Variants in CYTH3 observed in about 807,000 individuals in gnomAD.
The protein encoded by CYTH3 is cytohesin 3.
In CYTH3, 23 loss-of-function variants were observed where a neutral mutation model predicts 55.1. That is an observed-to-expected ratio of 0.42 (90% CI 0.30 to 0.59). The LOEUF is 0.59. CYTH3 is among the 20% of genes least tolerant of loss of function. CYTH3 has a pLI of 0.20. For missense variants in CYTH3, 413 were observed against 524.8 expected (o/e 0.79, Z 2.08); for synonymous variants, 249 against 194.9 (o/e 1.28, Z -2.31).
At chr7:6,252,228 C>A (rs975631244) in intron 1 of CYTH3, among the ~76,000 whole-genome samples, 1 of 152,298 alleles carries the variant, frequency 6.6e-6, no homozygotes, top group East Asian at 1.9e-4. Context: ...TTCACAGATC[C>A]TTGCTATCTC....
intron 1 of CYTH3, among the ~76,000 whole-genome samples, chr7:6,246,560 CTTTAA>C (rs1779823320): frequency 6.6e-6 from 1 of 152,026 alleles, no homozygotes; most frequent in African/African-American, 2.4e-5. Flanking sequence ...TAGTGATTAT[CTTTAA>C]TTTTTTTTTA....
chr7:6,170,710 A>T lies in CYTH3; in HGVS notation c.712-64T>A. 1.3e-6 allele frequency: 2 copies of T among 1,580,752 alleles called. No homozygotes were observed. Reference sequence around the variant, plus strand: ...GAGGAAAATGGCTGGCCGGGCAGAAAGCTCAGCGGGACCAGGGCGGCAAGG... The same window carrying T: ...GAGGAAAATGGCTGGCCGGGCAGAATGCTCAGCGGGACCAGGGCGGCAAGG... On this transcript the variant is annotated intron_variant, in intron 8 of 12. Coordinates refer to ENST00000350796, the MANE Select transcript of CYTH3 (RefSeq NM_004227.4). The surrounding 1 kb of genome is among the most constrained non-coding windows in gnomAD (Gnocchi z 7.8).
At chr7:6,193,314 T>C (rs1376698521) in intron 1 of CYTH3, among the ~76,000 whole-genome samples, 4 of 151,310 alleles carry the variant, frequency 2.6e-5, no homozygotes, top group East Asian at 1.9e-4. Context: ...CTCCATTAGG[T>C]TGCACTGAGC....
chr7:6,244,537 T>C (rs541653550), intron 1 of CYTH3, among the ~76,000 whole-genome samples: 14 of 152,334 alleles, frequency 9.2e-5, no homozygotes, highest in Non-Finnish European at 1.8e-4. Flanking sequence ...CAATCATGGC[T>C]CACTGCAGCC....
rs912244203 is a variant in CYTH3 at position 6,247,428 on chromosome 7, T to C, written c.34+25046A>G. Among the ~76,000 whole-genome samples, 3 of 152,176 alleles carry C rather than the reference T, an allele frequency of 2.0e-5. No individual in the cohort carries two copies. The South Asian group carries it at 6.2e-4, about 32-fold the overall frequency. ...GAATATACAGAAACAGCTCGTTTTTTTTCAGCTCAAAGATACTTTTTCCCA... is the reference window on the plus strand; with the variant it reads ...GAATATACAGAAACAGCTCGTTTTTCTTCAGCTCAAAGATACTTTTTCCCA... On this transcript the variant is annotated intron_variant, in intron 1 of 12. Coordinates refer to ENST00000350796, the MANE Select transcript of CYTH3 (RefSeq NM_004227.4).
intron 1 of CYTH3, among the ~76,000 whole-genome samples, chr7:6,240,849 C>A (rs555598634): frequency 6.6e-6 from 1 of 152,100 alleles, no homozygotes; most frequent in East Asian, 1.9e-4. Context: ...GGCGCAGTAG[C>A]TCGCGCCTGT....
intron 1 of CYTH3, among the ~76,000 whole-genome samples, chr7:6,254,374 AATG>A (rs1348498517): frequency 6.6e-6 from 1 of 152,268 alleles, no homozygotes; most frequent in Non-Finnish European, 1.5e-5. Context: ...TTATCTTAAG[AATG>A]ATAACGGCTG....
At chr7:6,189,191 C>T (rs1191366662) in intron 2 of CYTH3, among the ~76,000 whole-genome samples, 1 of 152,236 alleles carries the variant, frequency 6.6e-6, no homozygotes, top group Non-Finnish European at 1.5e-5. Context: ...CTCTCCCACG[C>T]CGAGACGGTG....
At chr7:6,219,515 T>C (rs1784499271) in intron 1 of CYTH3, among the ~76,000 whole-genome samples, 1 of 152,170 alleles carries the variant, frequency 6.6e-6, no homozygotes, top group South Asian at 2.1e-4. Context: ...GCTAGTATGC[T>C]GGAAGAATTA....
Position 6,169,569 on chromosome 7 carries a change from C to A in CYTH3, c.823+966G>T, listed in dbSNP as rs879653196. On this transcript the variant is annotated intron_variant, in intron 9 of 12. Coordinates refer to ENST00000350796, the MANE Select transcript of CYTH3 (RefSeq NM_004227.4). The surrounding 1 kb of genome is among the most constrained non-coding windows in gnomAD (Gnocchi z 4.1). ...ACTCCATGTCTCACGTGCTGCCCAG[C>A]GGCCGCCTGCTCTCAGAAAGGCTTG... Among the ~76,000 whole-genome samples the A allele has an allele frequency of 6.6e-6, 1 of 152,186 alleles. No homozygotes were observed. Among genetic ancestry groups the A allele is most frequent in the African/African-American group, 2.4e-5 (1 of 41,438 alleles).
intron 5 of CYTH3, among the ~76,000 whole-genome samples, chr7:6,175,545 C>CTTTTTT (rs1177188782): frequency 1.1e-4 from 10 of 89,008 alleles, no homozygotes; most frequent in East Asian, 4.2e-4. Context: ...ACACTTTAGT[C>CTTTTTT]TTTTTTTTTT....
intron 9 of CYTH3, among the ~76,000 whole-genome samples, chr7:6,168,811 G>C (rs1274464111): frequency 6.6e-6 from 1 of 152,240 alleles, no homozygotes; most frequent in East Asian, 1.9e-4. Context: ...CCTGGTGGCA[G>C]GGGTCACATT....
intron 4 of CYTH3, among the ~76,000 whole-genome samples, chr7:6,185,466 G>A (rs1268715376): frequency 1.3e-5 from 2 of 152,086 alleles, no homozygotes; most frequent in Non-Finnish European, 2.9e-5. Flanking sequence ...GGAGGCCAAG[G>A]TGGGCAGATC....
In CYTH3 at chr7:6,177,804, G is replaced by C; in HGVS notation, c.368+19C>G. 6.3e-7 allele frequency: 1 copy of C among 1,588,286 alleles called. No individual in the cohort carries two copies. The highest frequency in any genetic ancestry group is 8.6e-7 in the Non-Finnish European group (1 of 1,156,990). The stretch of plus-strand genomic sequence containing the variant: ...GCTGAGTGGCCCCAGGTAGGGCTTT[G>C]CATCCTCCTCTAACTCACCTTTCAC... On this transcript the variant is annotated intron_variant, in intron 5 of 12. Coordinates refer to ENST00000350796, the MANE Select transcript of CYTH3 (RefSeq NM_004227.4).
Position 6,164,195 on chromosome 7 carries a change from C to T in CYTH3, c.*749G>A, listed in dbSNP as rs1382647409. 6.6e-6 allele frequency: 1 copy of T among 152,362 alleles called. No individual in the cohort carries two copies. The highest frequency in any genetic ancestry group is 2.4e-5 in the African/African-American group (1 of 41,360). The allele number at this position is 152,362 out of a possible 1,614,324, so 9.4% of individuals were successfully genotyped here. The stretch of plus-strand genomic sequence containing the variant: ...CCCGTCCCGAGCCCACCTGCTGCCC[C>T]CCGGGGCTTGTCTGACAGCCTGACA... On this transcript the variant is annotated 3_prime_UTR_variant, in exon 13 of 13. Transcript: ENST00000350796.
chr7:6,267,278 T>C (rs73677103), intron 1 of CYTH3, among the ~76,000 whole-genome samples: 2,765 of 152,274 alleles, frequency 0.018, 68 homozygotes, highest in African/African-American at 0.046. Flanking sequence ...TACTTCTTTA[T>C]AGCAATGCAA....
chr7:6,206,054 T>A (rs895304763), intron 1 of CYTH3, among the ~76,000 whole-genome samples: 1 of 152,006 alleles, frequency 6.6e-6, no homozygotes, highest in Non-Finnish European at 1.5e-5. Context: ...AGAAAAACAG[T>A]TTGGCAGTTC....
At chr7:6,225,884 TG>T (rs1177277535) in intron 1 of CYTH3, among the ~76,000 whole-genome samples, 3 of 151,966 alleles carry the variant, frequency 2.0e-5, no homozygotes, top group African/African-American at 7.3e-5. Flanking sequence ...TTCACCATGT[TG>T]GCCAGACTGG....
chr7:6,245,892 G>A (rs113984439), intron 1 of CYTH3, among the ~76,000 whole-genome samples: 120 of 152,230 alleles, frequency 7.9e-4, no homozygotes, highest in African/African-American at 2.7e-3. Context: ...CAGCAAGAGT[G>A]AAACTCTTTT....
Sources: allele counts gnomAD v4.1 joint callset (sites outside exome capture counted in the v4.1 genomes callset), GRCh38; gene constraint gnomAD v4.1.1; non-coding constraint Gnocchi (gnomAD v3.1); transcripts MANE v1.5; gene names NCBI Gene and HGNC (gene_info 2026-07-23, HGNC 2026-07-21).